GRID1: variants seen among roughly 807,000 people sequenced by gnomAD.
The protein encoded by GRID1 is glutamate ionotropic receptor delta type subunit 1.
In GRID1, 28 loss-of-function variants were observed where a neutral mutation model predicts 98.0. That is an observed-to-expected ratio of 0.29 (90% CI 0.21 to 0.39). The LOEUF (loss-of-function observed/expected upper bound fraction) is 0.39. Among genes scored for constraint, GRID1 ranks in the 10% least tolerant of loss-of-function variants. The probability of loss-of-function intolerance (pLI) is 1.00; values close to 1 mark genes in which losing one functional copy is unlikely to be tolerated. For missense variants in GRID1, 1,111 were observed against 1,340.5 expected (o/e 0.83, Z 2.67); for synonymous variants, 553 against 538.5 (o/e 1.03, Z -0.37).
At chr10:85,692,454 G>A (rs1460062591) in intron 12 of GRID1, among the ~76,000 whole-genome samples, 5 of 152,056 alleles carry the variant, frequency 3.3e-5, no homozygotes, top group African/African-American at 1.2e-4. Context: ...GTGACCCCAG[G>A]AGTTTGAGGC....
chr10:85,631,136 T>C (rs1057507534), intron 13 of GRID1, among the ~76,000 whole-genome samples: 1 of 152,248 alleles, frequency 6.6e-6, no homozygotes, highest in Non-Finnish European at 1.5e-5. Flanking sequence ...TAAACTTCCA[T>C]AGTCCAAATT....
At chr10:85,784,262 G>T (rs1057009903) in intron 8 of GRID1, among the ~76,000 whole-genome samples, 3 of 152,116 alleles carry the variant, frequency 2.0e-5, no homozygotes, top group Non-Finnish European at 4.4e-5. Context: ...CAATAGTGGG[G>T]TCTTTGCTCA....
chr10:85,870,332 G>A (rs564489091), intron 5 of GRID1, among the ~76,000 whole-genome samples: 21 of 152,314 alleles, frequency 1.4e-4, no homozygotes, highest in East Asian at 7.7e-4. Context: ...TTTTCCAGCC[G>A]CTCTCAGGCC....
rs547209019 is a variant in GRID1 at position 85,896,060 on chromosome 10, G to A, written c.780+20126C>T. ...AGACAGCCAGGACTTTAAACAAGCA[G>A]GATTCTTTGCAGTAAATCATAAAAG... On this transcript the variant is annotated intron_variant, in intron 5 of 15. Transcript: ENST00000327946. 2.6e-5 allele frequency among the ~76,000 whole-genome samples: 4 copies of A among 152,142 alleles called. No homozygotes were observed. The South Asian group carries it at 8.3e-4, about 32-fold the overall frequency.
At chr10:85,729,695 C>T (rs1294024780) in intron 8 of GRID1, 81 bp from the exon 9 acceptor site, 1 of 821,588 alleles carries the variant, frequency 1.2e-6, no homozygotes, top group African/African-American at 1.7e-5. Context: ...ACACTGGGAT[C>T]CTGAATTAGG....
intron 13 of GRID1, among the ~76,000 whole-genome samples, chr10:85,636,150 T>C (rs960586132): frequency 4.6e-5 from 7 of 152,138 alleles, no homozygotes; most frequent in Non-Finnish European, 1.0e-4. Context: ...GTCCAAACAT[T>C]GACATAAGGC....
At chr10:85,714,646 G>A (rs1841618201) in intron 12 of GRID1, among the ~76,000 whole-genome samples, 1 of 151,866 alleles carries the variant, frequency 6.6e-6, no homozygotes. Context: ...ATTTAAAATA[G>A]CATAAAAATA....
At chr10:86,024,846 C>T (rs1309553274) in intron 4 of GRID1, among the ~76,000 whole-genome samples, 1 of 152,180 alleles carries the variant, frequency 6.6e-6, no homozygotes, top group Non-Finnish European at 1.5e-5. Flanking sequence ...GGTATCCCCA[C>T]CCCTATCTGC....
At position 86,364,009 on chromosome 10, in the gene GRID1, T is replaced by A; in HGVS notation, c.167A>T (p.Gln56Leu). 6.2e-7 allele frequency: 1 copy of A among 1,614,012 alleles called. No individual in the cohort carries two copies. The stretch of plus-strand genomic sequence containing the variant: ...GATGGAGTAGGTGATCTTCTCGCTC[T>A]GCAGGATGTCATCGTTGAGGCTCAG... ...SDLSLNDDIL[Q>L]SEKITYSIKV... is the part of the protein sequence containing the mutation. Residue 56 changes from glutamine (Q) to leucine (L), a missense_variant, in exon 2 of 16, where the codon CAG becomes CTG. Physicochemically the swap from Gln to Leu is moderately radical, Grantham distance 113. Transcript: ENST00000327946.
chr10:85,831,445 A>G (rs547002350), intron 8 of GRID1, among the ~76,000 whole-genome samples: 2 of 148,124 alleles, frequency 1.4e-5, no homozygotes, highest in Admixed American at 1.4e-4. Context: ...TAAGTTTTAT[A>G]AGATATAAAA....
chr10:86,255,563 C>T (rs1846904436), intron 2 of GRID1, among the ~76,000 whole-genome samples: 1 of 152,202 alleles, frequency 6.6e-6, no homozygotes, highest in African/African-American at 2.4e-5. Context: ...ACCTGTGGCT[C>T]GGGTCACCCT....
At chr10:85,994,479 G>T (rs1589328704) in intron 4 of GRID1, among the ~76,000 whole-genome samples, 1 of 152,204 alleles carries the variant, frequency 6.6e-6, no homozygotes, top group East Asian at 1.9e-4. Flanking sequence ...GGAATTAGAT[G>T]CTGGGGACCA....
intron 5 of GRID1, among the ~76,000 whole-genome samples, chr10:85,907,545 C>T (rs1191990051): frequency 6.6e-6 from 1 of 152,326 alleles, no homozygotes; most frequent in South Asian, 2.1e-4. Flanking sequence ...AAACACTTCC[C>T]TAAAGAAAAC....
chr10:86,268,428 T>C (rs535247546), intron 2 of GRID1, among the ~76,000 whole-genome samples: 10 of 152,218 alleles, frequency 6.6e-5, no homozygotes, highest in Admixed American at 6.5e-4. Context: ...GGACCGTCCG[T>C]GATGGACATG....
intron 4 of GRID1, among the ~76,000 whole-genome samples, chr10:86,105,230 TGG>T (rs1564676169): frequency 6.6e-6 from 1 of 152,146 alleles, no homozygotes; most frequent in Non-Finnish European, 1.5e-5. Flanking sequence ...AAATAGGCAC[TGG>T]GATAGCTTCA....
intron 8 of GRID1, among the ~76,000 whole-genome samples, chr10:85,789,481 G>A (rs1023592002): frequency 6.6e-6 from 1 of 152,116 alleles, no homozygotes; most frequent in Non-Finnish European, 1.5e-5. Flanking sequence ...TGGCAGCTTG[G>A]AAGAAAGACC....
intron 3 of GRID1, among the ~76,000 whole-genome samples, chr10:86,148,446 T>C (rs565411293): frequency 7.0e-4 from 106 of 151,980 alleles, no homozygotes; most frequent in African/African-American, 2.5e-3. Context: ...AATAGAAAGG[T>C]GGTTACCAGA....
intron 4 of GRID1, among the ~76,000 whole-genome samples, chr10:86,077,178 T>C (rs1449910806): frequency 2.2e-5 from 3 of 136,670 alleles, no homozygotes. Flanking sequence ...GGCCTCTCAC[T>C]GTGGGGTGTC....
intron 2 of GRID1, among the ~76,000 whole-genome samples, chr10:86,269,403 T>C (rs1847151765): frequency 6.6e-6 from 1 of 152,216 alleles, no homozygotes; most frequent in Non-Finnish European, 1.5e-5. Flanking sequence ...GTGGCCTCAC[T>C]GAGGCCAATA....
Sources: allele counts gnomAD v4.1 joint callset (sites outside exome capture counted in the v4.1 genomes callset), GRCh38; gene constraint gnomAD v4.1.1; transcripts MANE v1.5; gene names NCBI Gene and HGNC (gene_info 2026-07-23, HGNC 2026-07-21).